The following GRIP1 variants were observed in gnomAD, a reference collection of about 807,000 sequenced individuals.
GRIP1 encodes glutamate receptor interacting protein 1, also known as glutamate receptor-interacting protein 1.
GRIP1 carries 45 observed loss-of-function variants against 129.9 expected under a neutral mutation model. The ratio of observed to expected loss-of-function variants is 0.35; its 90% CI spans 0.27 to 0.44. GRIP1 has a LOEUF of 0.44. Among genes scored for constraint, GRIP1 ranks in the 20% least tolerant of loss-of-function variants. The pLI, the probability that GRIP1 is intolerant of heterozygous loss-of-function variation, is 1.00. For missense variants in GRIP1, 1,196 were observed against 1,396.8 expected (o/e 0.86, Z 2.29); for synonymous variants, 530 against 520.8 (o/e 1.02, Z -0.24).
chr12:66,396,164 G>T (rs1361739206), intron 16 of GRIP1, among the ~76,000 whole-genome samples: 1 of 152,196 alleles, frequency 6.6e-6, no homozygotes, highest in African/African-American at 2.4e-5. Context: ...CCATTCAGTG[G>T]AGGTGTGTAT....
At chr12:66,786,147 T>C (rs901761611) in intron 1 of GRIP1, among the ~76,000 whole-genome samples, 1 of 152,188 alleles carries the variant, frequency 6.6e-6, no homozygotes, top group Non-Finnish European at 1.5e-5. Flanking sequence ...ATTGAAATTA[T>C]AGCTTTTTGA....
intron 7 of GRIP1, among the ~76,000 whole-genome samples, chr12:66,497,451 G>A (rs1027547355): frequency 9.2e-5 from 14 of 152,200 alleles, no homozygotes; most frequent in Admixed American, 4.6e-4. Flanking sequence ...GAAAGTCCCT[G>A]AGGACATGAA....
At chr12:66,399,127 A>G (rs2056895059) in intron 16 of GRIP1, among the ~76,000 whole-genome samples, 3 of 151,904 alleles carry the variant, frequency 2.0e-5, no homozygotes, top group African/African-American at 7.3e-5. Flanking sequence ...CATGTGATGC[A>G]AACCCAATCT....
intron 1 of GRIP1, among the ~76,000 whole-genome samples, chr12:66,927,739 T>G (rs2041319185): frequency 6.6e-6 from 1 of 152,180 alleles, no homozygotes; most frequent in Non-Finnish European, 1.5e-5. Context: ...AGACATGATT[T>G]AGTTCAGGCT....
At chr12:66,490,244 G>A (rs1448553907) in intron 7 of GRIP1, among the ~76,000 whole-genome samples, 1 of 152,134 alleles carries the variant, frequency 6.6e-6, no homozygotes, top group East Asian at 1.9e-4. Flanking sequence ...CAAGGTTACA[G>A]TAACCAAAAC....
chr12:66,539,569 T>C (rs1379909366), intron 3 of GRIP1, among the ~76,000 whole-genome samples: 2 of 117,460 alleles, frequency 1.7e-5, no homozygotes, highest in Admixed American at 9.2e-5. Context: ...TTTTTTTTTT[T>C]CAGTTCTTTG....
chr12:66,624,546 T>A (rs1390378808), intron 1 of GRIP1, among the ~76,000 whole-genome samples: 1 of 152,136 alleles, frequency 6.6e-6, no homozygotes, highest in African/African-American at 2.4e-5. Context: ...ATTAGAGAAA[T>A]AAAGCATGTA....
chr12:66,858,363 T>C (rs2040043537), intron 1 of GRIP1, among the ~76,000 whole-genome samples: 1 of 152,012 alleles, frequency 6.6e-6, no homozygotes, highest in Non-Finnish European at 1.5e-5. Context: ...TCAGTTTTTA[T>C]GCTTAAGAAA....
intron 1 of GRIP1, among the ~76,000 whole-genome samples, chr12:66,852,066 G>A (rs1235168760): frequency 1.3e-5 from 2 of 151,910 alleles, no homozygotes; most frequent in Non-Finnish European, 2.9e-5. Context: ...AAATCCAATT[G>A]AACTTTAGGG....
chr12:66,423,554 TG>T (rs1460643035), intron 14 of GRIP1, among the ~76,000 whole-genome samples: 1 of 152,206 alleles, frequency 6.6e-6, no homozygotes, highest in Non-Finnish European at 1.5e-5. Flanking sequence ...GCTTGGAATT[TG>T]ATTGGAGTTC....
chr12:66,640,146 T>C (rs561033025), intron 1 of GRIP1, among the ~76,000 whole-genome samples: 23 of 152,222 alleles, frequency 1.5e-4, no homozygotes, highest in Non-Finnish European at 3.2e-4. Flanking sequence ...AAGCATCTCA[T>C]GCATACTTCC....
intron 1 of GRIP1, among the ~76,000 whole-genome samples, chr12:66,636,273 T>C (rs2136055651): frequency 6.6e-6 from 1 of 152,198 alleles, no homozygotes; most frequent in East Asian, 1.9e-4. Context: ...CGGGGAGTTA[T>C]TGTTTAATAG....
chr12:66,630,525 G>A (rs2030654355), intron 1 of GRIP1, among the ~76,000 whole-genome samples: 2 of 152,058 alleles, frequency 1.3e-5, no homozygotes, highest in Non-Finnish European at 1.5e-5. Flanking sequence ...AATCGCATTT[G>A]CCAGGTGAGA....
chr12:66,519,385 G>A (rs1490030086), intron 5 of GRIP1, among the ~76,000 whole-genome samples: 1 of 152,106 alleles, frequency 6.6e-6, no homozygotes, highest in East Asian at 1.9e-4. Flanking sequence ...CCATATTTAT[G>A]TAAATACTGT....
intron 1 of GRIP1, among the ~76,000 whole-genome samples, chr12:66,797,085 T>A (rs980920825): frequency 6.6e-6 from 1 of 152,156 alleles, no homozygotes; most frequent in Admixed American, 6.6e-5. Context: ...AGTGAGATAG[T>A]GGGGTAGAAT....
chr12:66,373,224 G>A (rs1362161628), intron 22 of GRIP1, among the ~76,000 whole-genome samples: 2 of 152,052 alleles, frequency 1.3e-5, no homozygotes, highest in African/African-American at 4.8e-5. Context: ...CAAGTAGCTG[G>A]GACTACAGGC....
chr12:66,950,613 AG>A (rs368943391), intron 1 of GRIP1, among the ~76,000 whole-genome samples: 118 of 152,304 alleles, frequency 7.7e-4, no homozygotes, highest in African/African-American at 2.6e-3. Flanking sequence ...AATAGAAACC[AG>A]TAGAATATAC....
At chr12:66,521,840 C>G (rs1365271991) in intron 5 of GRIP1, among the ~76,000 whole-genome samples, 1 of 152,230 alleles carries the variant, frequency 6.6e-6, no homozygotes, top group Non-Finnish European at 1.5e-5. Context: ...AAAAACAGCA[C>G]ACCAGGAGAT....
chr12:66,811,093 T>C (rs1168358211), intron 1 of GRIP1, among the ~76,000 whole-genome samples: 1 of 152,246 alleles, frequency 6.6e-6, no homozygotes, highest in Admixed American at 6.5e-5. Flanking sequence ...TTTAGACTTC[T>C]TGCAAAATGA....
Sources: gnomAD v4.1 joint callset for allele counts (sites outside exome capture counted in the v4.1 genomes callset) on GRCh38, gnomAD v4.1.1 for gene constraint, MANE v1.5 for transcripts, NCBI Gene and HGNC (gene_info 2026-07-23, HGNC 2026-07-21) for gene names.